Variants in CENPF observed in about 807,000 individuals in gnomAD.
CENPF encodes the protein centromere protein F, also known as AH antigen.
CENPF carries 214 observed loss-of-function variants against 307.3 expected under a neutral mutation model. The observed-to-expected ratio is 0.70, with a 90% confidence interval of 0.62 to 0.78. The LOEUF (loss-of-function observed/expected upper bound fraction) is 0.78, where lower values mean the gene tolerates loss of function less well. Ranked by LOEUF, CENPF falls within the 30% of genes least tolerant of loss-of-function variation. CENPF has a pLI of 0.00. For synonymous variants in CENPF, 1,259 were observed against 1,270.6 expected (o/e 0.99, Z 0.19); for missense variants, 3,401 against 3,483.9 (o/e 0.98, Z 0.60).
chr1:214,608,358 G>T, intron 1 of CENPF: 2 of 1,611,904 alleles, frequency 1.2e-6, no homozygotes, highest in Non-Finnish European at 1.7e-6. Context: ...CGGCATAGAG[G>T]TTCCTCTCGG....
At chr1:214,633,286 A>G (rs1657859248) in intron 10 of CENPF, among the ~76,000 whole-genome samples, 1 of 152,230 alleles carries the variant, frequency 6.6e-6, no homozygotes, top group Non-Finnish European at 1.5e-5. Flanking sequence ...TTTTATGCAT[A>G]CATACTTCAA....
chr1:214,613,022 A>G, intron 1 of CENPF: 1 of 333,578 alleles, frequency 3.0e-6, no homozygotes, highest in Non-Finnish European at 5.7e-6. Flanking sequence ...AGACATCATT[A>G]GGCACCAAAG....
Position 214,641,123 on chromosome 1 carries a change from G to T in CENPF, c.2785G>T (p.Glu929Ter), listed in dbSNP as rs867811383. 6.3e-7 allele frequency: 1 copy of T among 1,580,578 alleles called. No homozygotes were observed. The highest frequency in any genetic ancestry group is 8.5e-7 in the Non-Finnish European group (1 of 1,171,688). The change falls in exon 12 of 20, where the codon GAA (glutamate) becomes TAA (stop). Residue 929 changes from glutamate (E) to a stop codon, truncating the protein, a stop_gained. Coordinates refer to ENST00000366955, the MANE Select transcript of CENPF (RefSeq NM_016343.4). LOFTEE classifies it high-confidence loss of function. Reference protein sequence around the residue: ...KVETEQAEIQELKKSNHLLED... With the variant: ...KVETEQAEIQ ...AGAAACTGAGCAGGCAGAGATTCAA[G>T]AATTAAAAAAGAGCAACCATCTACT... is the stretch of plus-strand genomic sequence containing the variant.
intron 15 of CENPF, among the ~76,000 whole-genome samples, chr1:214,652,592 T>C (rs973202618): frequency 2.1e-4 from 31 of 149,996 alleles, no homozygotes; most frequent in Non-Finnish European, 2.2e-4. Context: ...TATAGGCGCC[T>C]GCCACCACGC....
chr1:214,615,813 C>CCTCTAAT (rs1657321615), intron 3 of CENPF, among the ~76,000 whole-genome samples: 1 of 151,986 alleles, frequency 6.6e-6, no homozygotes, highest in African/African-American at 2.4e-5. Flanking sequence ...GTGGCGGGCA[C>CCTCTAAT]CTCTAATCTC....
chr1:214,651,945 G>A lies in CENPF; in HGVS notation c.8160+59G>A, dbSNP rs562262866. 3.6e-6 allele frequency: 5 copies of A among 1,387,160 alleles called. No homozygotes were observed. In the South Asian group the frequency reaches 7.9e-5, roughly 22 times the overall value. 85.9% of individuals were successfully genotyped at this position (1,387,160 alleles called of 1,614,324 possible). On this transcript the variant is annotated intron_variant, in intron 15 of 19. Transcript: ENST00000366955. ...GAGAGTGTATTTTGATCATGGTAAGGCTTTTTTTTTTTTCCAAAAAAAATC... is the reference window on the plus strand; with the variant it reads ...GAGAGTGTATTTTGATCATGGTAAGACTTTTTTTTTTTTCCAAAAAAAATC...
chr1:214,616,782 CTTTCTTTCTTTCTTTG>C (rs1442335809), intron 3 of CENPF, among the ~76,000 whole-genome samples: 1 of 151,574 alleles, frequency 6.6e-6, no homozygotes, highest in African/African-American at 2.4e-5. Flanking sequence ...GAGCTAAGGG[CTTTCTTTCTTTCTTTG>C]TTTCTTTCTT....
rs1658648600 is a variant in CENPF, at chr1:214,656,917, G to A, written c.8486-16G>A. The A allele has an allele frequency of 3.9e-6, 6 of 1,523,644 alleles. No individual in the cohort carries two copies. In the African/African-American group the frequency reaches 6.9e-5, roughly 18 times the overall value. The allele number at this position is 1,523,644 out of a possible 1,614,324, so 94.4% of individuals were successfully genotyped here. A position where few individuals can be genotyped will look rare whatever the true frequency, so the allele number is the denominator to read the frequency against. ...AGCATCAAGTTGCACATGATGTGTTGCTTTACTTTGGACAGGTACTGTTAT... is the reference window on the plus strand; with the variant it reads ...AGCATCAAGTTGCACATGATGTGTTACTTTACTTTGGACAGGTACTGTTAT... On this transcript the variant is annotated splice_polypyrimidine_tract_variant and intron_variant, in intron 17 of 19. Transcript: ENST00000366955.
intron 6 of CENPF, 131 bp downstream of exon 6, chr1:214,621,077 G>A: frequency 1.3e-6 from 1 of 742,702 alleles, no homozygotes; most frequent in South Asian, 1.9e-5. Context: ...ATCCTAGACT[G>A]GTTATGTGAA....
Position 214,640,761 on chromosome 1 carries a change from C to T in CENPF, c.2423C>T (p.Pro808Leu). ...ANIIGEQGSM[P>L]SERSECRLEA... The stretch of plus-strand genomic sequence containing the variant: ...ATAATTGGAGAACAAGGAAGCATGC[C>T]TTCAGAGAGGAGTGAATGTCGTTTA... Residue 808 changes from proline (P) to leucine (L), a missense_variant, in exon 12 of 20, where the codon CCT becomes CTT. By Grantham distance (98) the Pro-to-Leu change is moderately conservative (BLOSUM62 -3). Coordinates refer to ENST00000366955, the MANE Select transcript of CENPF (RefSeq NM_016343.4). 6.2e-7 allele frequency: 1 copy of T among 1,613,950 alleles called. No individual in the cohort carries two copies. The highest frequency in any genetic ancestry group is 1.3e-5 in the African/African-American group (1 of 75,032).
At chr1:214,632,183 C>T (rs1571708513) in intron 9 of CENPF, among the ~76,000 whole-genome samples, 1 of 152,160 alleles carries the variant, frequency 6.6e-6, no homozygotes, top group East Asian at 1.9e-4. Flanking sequence ...AACTTATTTT[C>T]CTTTTGGTTA....
rs769641770 is a variant in CENPF, at chr1:214,622,250, C to T, written c.1037C>T (p.Thr346Ile). The T allele has an allele frequency of 8.1e-6, 13 of 1,613,904 alleles. No homozygotes were observed. Among genetic ancestry groups the T allele is most frequent in the South Asian group, 3.3e-5 (3 of 90,986 alleles). The change falls in exon 7 of 20, where the codon ACA (threonine) becomes ATA (isoleucine). Residue 346 changes from threonine (T) to isoleucine (I), a missense_variant. Physicochemically the swap from Thr to Ile is moderately conservative, Grantham distance 89. Transcript: ENST00000366955. The stretch of plus-strand genomic sequence containing the variant: ...AAATGTAGGGATGAACTAGTGAGAA[C>T]AACAGCACAATACGACCAGGCGTCA... ...LNKCRDELVR[T>I]TAQYDQASTK... is the part of the protein sequence containing the mutation.
rs1312650614 is a variant in CENPF at position 214,640,686 on chromosome 1, G to A, written c.2348G>A (p.Ser783Asn). 1.9e-6 allele frequency: 3 copies of A among 1,614,056 alleles called. No individual in the cohort carries two copies. Among genetic ancestry groups the A allele is most frequent in the Middle Eastern group, 1.6e-4 (1 of 6,062 alleles). ...SLVTNEDHQR[S>N]LLAFDQQPAM... ...GTGACAAATGAAGATCATCAGAGAA[G>A]TCTTTTGGCTTTTGATCAGCAGCCT... Residue 783 changes from serine to asparagine, a missense_variant, in exon 12 of 20, where the codon AGT (serine) becomes AAT (asparagine). By Grantham distance (46) the Ser-to-Asn change is conservative. Coordinates refer to ENST00000366955, the MANE Select transcript of CENPF (RefSeq NM_016343.4).
At position 214,641,260 on chromosome 1, in the gene CENPF, A is replaced by G; in HGVS notation, c.2922A>G (p.Gln974=). ...AAAGGGAAATTGAAGAGCTGACCCA[A>G]GAGAATGGGACTCTTAAGGAAATTA... ...LNKREIEELT[Q]ENGTLKEINA... is the part of the protein sequence containing the mutation. The change falls in exon 12 of 20, where the codon CAA becomes CAG. Residue 974 remains glutamine (Q), a synonymous_variant. Coordinates refer to ENST00000366955, the MANE Select transcript of CENPF (RefSeq NM_016343.4). 3 of 1,602,202 alleles carry G rather than the reference A, an allele frequency of 1.9e-6. No homozygotes were observed. The highest frequency in any genetic ancestry group is 2.5e-6 in the Non-Finnish European group (3 of 1,177,034).
intron 18 of CENPF, among the ~76,000 whole-genome samples, chr1:214,658,060 CT>C (rs1299622894): frequency 1.3e-5 from 2 of 152,180 alleles, no homozygotes; most frequent in Non-Finnish European, 2.9e-5. Context: ...TTCGAACCCC[CT>C]CTGCCCCCAA....
intron 2 of CENPF, among the ~76,000 whole-genome samples, 200 bp downstream of exon 2, chr1:214,614,116 T>TTG (rs1319943279): frequency 1.4e-5 from 2 of 144,258 alleles, no homozygotes; most frequent in African/African-American, 5.1e-5. Flanking sequence ...TTCTTTTTTT[T>TTG]TTTTTGAGTC....
chr1:214,647,028 A>T lies in CENPF; in HGVS notation c.7458A>T (p.Leu2486=), dbSNP rs371119679. 2.5e-6 allele frequency: 4 copies of T among 1,613,930 alleles called. No homozygotes were observed. The highest frequency in any genetic ancestry group is 2.7e-5 in the African/African-American group (2 of 74,914). ...TTGAACTTGAGAAGGCTCAGTTGCTACAAGGCCTTGATGAGGCCAAAAATA... is the reference window on the plus strand; with the variant it reads ...TTGAACTTGAGAAGGCTCAGTTGCTTCAAGGCCTTGATGAGGCCAAAAATA... ...ECLELEKAQL[L]QGLDEAKNNY... Residue 2486 remains leucine, a synonymous_variant, in exon 13 of 20, where the codon CTA becomes CTT. Transcript: ENST00000366955.
intron 12 of CENPF, among the ~76,000 whole-genome samples, chr1:214,643,603 A>G (rs1470500173): frequency 2.0e-5 from 3 of 152,240 alleles, no homozygotes; most frequent in Non-Finnish European, 2.9e-5. Flanking sequence ...TATATTATGG[A>G]GTCAGAAAGT....
intron 1 of CENPF, chr1:214,603,747 C>G (rs946132858): frequency 1.3e-5 from 2 of 152,030 alleles, no homozygotes; most frequent in South Asian, 4.2e-4. Context: ...GAGTTTTGAT[C>G]TGGTTGGCGA....
Sources: allele counts gnomAD v4.1 joint callset (sites outside exome capture counted in the v4.1 genomes callset), GRCh38; gene constraint gnomAD v4.1.1; transcripts MANE v1.5; gene names NCBI Gene and HGNC (gene_info 2026-07-23, HGNC 2026-07-21).